SH3PXD2A: variants seen among roughly 807,000 people sequenced by gnomAD.
SH3PXD2A encodes SH3 and PX domains 2A.
In SH3PXD2A, 32 loss-of-function variants were observed where a neutral mutation model predicts 115.2. The ratio of observed to expected loss-of-function variants is 0.28; its 90% CI spans 0.21 to 0.37. The LOEUF (loss-of-function observed/expected upper bound fraction) is 0.37. Among genes scored for constraint, SH3PXD2A ranks in the 10% least tolerant of loss-of-function variants. The pLI, the probability that SH3PXD2A is intolerant of heterozygous loss-of-function variation, is 1.00. For synonymous variants in SH3PXD2A, 610 were observed against 629.1 expected (o/e 0.97, Z 0.45); for missense variants, 1,328 against 1,498.7 (o/e 0.89, Z 1.88).
chr10:103,625,134 C>T (rs1446925264), intron 9 of SH3PXD2A, among the ~76,000 whole-genome samples: 1 of 152,250 alleles, frequency 6.6e-6, no homozygotes, highest in Non-Finnish European at 1.5e-5. Context: ...CAACCCACTA[C>T]TACTTGTTCT....
At chr10:103,623,163 G>A (rs2036633425) in intron 9 of SH3PXD2A, among the ~76,000 whole-genome samples, 1 of 152,164 alleles carries the variant, frequency 6.6e-6, no homozygotes, top group Admixed American at 6.5e-5. Context: ...GCACACAGCT[G>A]GGTCCCAGGA....
intron 6 of SH3PXD2A, among the ~76,000 whole-genome samples, chr10:103,669,366 G>A (rs2037427599): frequency 6.6e-6 from 1 of 152,154 alleles, no homozygotes; most frequent in South Asian, 2.1e-4. Context: ...CTGTGAAATG[G>A]GATTTAGAGT....
At chr10:103,667,774 T>C (rs935866322) in intron 7 of SH3PXD2A, among the ~76,000 whole-genome samples, 1 of 152,048 alleles carries the variant, frequency 6.6e-6, no homozygotes, top group Non-Finnish European at 1.5e-5. Flanking sequence ...GGTCAGGGTG[T>C]GTAACAGCCT....
At chr10:103,737,634 TG>T (rs1350432174) in intron 3 of SH3PXD2A, among the ~76,000 whole-genome samples, 1 of 152,196 alleles carries the variant, frequency 6.6e-6, no homozygotes, top group Non-Finnish European at 1.5e-5. Flanking sequence ...ATGTGGAGGC[TG>T]GGGATCTACC....
At chr10:103,739,473 G>C (rs1008126016) in intron 3 of SH3PXD2A, among the ~76,000 whole-genome samples, 3 of 152,182 alleles carry the variant, frequency 2.0e-5, no homozygotes, top group Non-Finnish European at 2.9e-5. Flanking sequence ...GGGAGAGAGG[G>C]AGGGCCTGGA....
chr10:103,635,166 G>T (rs904881826), intron 8 of SH3PXD2A, among the ~76,000 whole-genome samples: 2 of 152,240 alleles, frequency 1.3e-5, no homozygotes, highest in Non-Finnish European at 2.9e-5. Flanking sequence ...CAGAAGGATG[G>T]AAGGAAGTGG....
intron 5 of SH3PXD2A, among the ~76,000 whole-genome samples, chr10:103,700,643 G>A (rs11191773): frequency 0.48 from 72,319 of 152,048 alleles, 17,426 homozygotes; most frequent in African/African-American, 0.54. Flanking sequence ...AGGATGGCAG[G>A]AATACACAGT....
chr10:103,822,593 A>G (rs1265995148), intron 1 of SH3PXD2A, among the ~76,000 whole-genome samples: 1 of 152,278 alleles, frequency 6.6e-6, no homozygotes, highest in Non-Finnish European at 1.5e-5. Context: ...GACCCCAGGA[A>G]GCCTGGAGCA....
intron 1 of SH3PXD2A, among the ~76,000 whole-genome samples, chr10:103,835,999 A>C (rs2039535771): frequency 6.6e-6 from 1 of 152,174 alleles, no homozygotes; most frequent in Non-Finnish European, 1.5e-5. Flanking sequence ...GTCAAATCCC[A>C]GTACCGCGTC....
At chr10:103,607,112 A>G (rs890012432) in intron 13 of SH3PXD2A, among the ~76,000 whole-genome samples, 2 of 124,714 alleles carry the variant, frequency 1.6e-5, no homozygotes, top group East Asian at 2.5e-4. Flanking sequence ...CCAGCCGCCC[A>G]TCGTCTGAGA....
In SH3PXD2A at chr10:103,726,993, C is replaced by T. The variant is rs2038249234; in HGVS notation, c.307-2632G>A. 2.6e-5 allele frequency among the ~76,000 whole-genome samples: 4 copies of T among 152,322 alleles called. No homozygotes were observed. The South Asian group carries it at 8.3e-4, about 32-fold the overall frequency. On this transcript the variant is annotated intron_variant, in intron 4 of 14. Coordinates refer to ENST00000369774, the MANE Select transcript of SH3PXD2A (RefSeq NM_001394015.1). ...AGGAAAATTAACATTAAATGAGCAG[C>T]TATGTGTCAGGCCCTATCCTTGGCC... is the stretch of plus-strand genomic sequence containing the variant.
intron 3 of SH3PXD2A, among the ~76,000 whole-genome samples, chr10:103,763,830 G>A (rs966924059): frequency 6.6e-6 from 1 of 151,838 alleles, no homozygotes; most frequent in Non-Finnish European, 1.5e-5. Context: ...TGACTGATGT[G>A]GGGGGGCTAT....
chr10:103,807,256 G>A (rs566599893), intron 1 of SH3PXD2A, among the ~76,000 whole-genome samples: 2 of 152,234 alleles, frequency 1.3e-5, no homozygotes, highest in East Asian at 1.9e-4. Flanking sequence ...CCTAGGACCC[G>A]CCTTGTGTTT....
intron 2 of SH3PXD2A, among the ~76,000 whole-genome samples, chr10:103,795,335 G>A (rs965255153): frequency 2.6e-5 from 4 of 152,200 alleles, no homozygotes; most frequent in Non-Finnish European, 4.4e-5. Context: ...CAGCCCCTGC[G>A]TGTGAGTCTG....
At chr10:103,807,621 C>T (rs2039220244) in intron 1 of SH3PXD2A, among the ~76,000 whole-genome samples, 1 of 152,236 alleles carries the variant, frequency 6.6e-6, no homozygotes, top group Non-Finnish European at 1.5e-5. Flanking sequence ...ACATCCCAAA[C>T]TGTGCACCCT....
At chr10:103,623,183 T>C (rs2036633587) in intron 9 of SH3PXD2A, among the ~76,000 whole-genome samples, 1 of 152,178 alleles carries the variant, frequency 6.6e-6, no homozygotes, top group Non-Finnish European at 1.5e-5. Flanking sequence ...AAGCACCTGC[T>C]GAACGGAATG....
intron 12 of SH3PXD2A, 69 bp downstream of exon 12, chr10:103,612,784 T>G: frequency 1.7e-6 from 2 of 1,196,682 alleles, no homozygotes; most frequent in Non-Finnish European, 2.3e-6. Flanking sequence ...CCCCCTGGCT[T>G]TCACGGCACC....
intron 6 of SH3PXD2A, among the ~76,000 whole-genome samples, chr10:103,681,762 G>A (rs903102637): frequency 1.1e-4 from 17 of 148,574 alleles, no homozygotes; most frequent in African/African-American, 2.7e-4. Flanking sequence ...ACGCGCCCGC[G>A]CGCGCGCGCG....
chr10:103,613,291 C>T, intron 11 of SH3PXD2A, 101 bp from the exon 12 acceptor site: 1 of 875,344 alleles, frequency 1.1e-6, no homozygotes, highest in Non-Finnish European at 1.7e-6. Flanking sequence ...GGAGCCTTCC[C>T]TACCATGTTC....
Sources: gnomAD v4.1 joint callset for allele counts (sites outside exome capture counted in the v4.1 genomes callset) on GRCh38, gnomAD v4.1.1 for gene constraint, MANE v1.5 for transcripts, NCBI Gene and HGNC (gene_info 2026-07-23, HGNC 2026-07-21) for gene names.